GRM7: variants seen among roughly 807,000 people sequenced by gnomAD.
GRM7 encodes the protein metabotropic glutamate receptor 7.
A neutral mutation model predicts 84.5 loss-of-function variants in GRM7; 35 were observed. The ratio of observed to expected loss-of-function variants is 0.41; its 90% CI spans 0.32 to 0.55. The LOEUF (loss-of-function observed/expected upper bound fraction) is 0.55. GRM7 is among the 20% of genes least tolerant of loss of function. The pLI, the probability that GRM7 is intolerant of heterozygous loss-of-function variation, is 0.19. For missense variants in GRM7, 1,003 were observed against 1,194.6 expected (o/e 0.84, Z 2.36); for synonymous variants, 487 against 455.1 (o/e 1.07, Z -0.89).
At chr3:7,586,434 C>T (rs1377363729) in intron 8 of GRM7, among the ~76,000 whole-genome samples, 3 of 151,912 alleles carry the variant, frequency 2.0e-5, no homozygotes, top group Non-Finnish European at 2.9e-5. Flanking sequence ...GAAAACAACC[C>T]AAGTGTTCCT....
intron 2 of GRM7, among the ~76,000 whole-genome samples, chr3:7,266,099 G>T (rs534546873): frequency 6.6e-6 from 1 of 152,242 alleles, no homozygotes; most frequent in African/African-American, 2.4e-5. Context: ...ACAGAAGAGA[G>T]CGAGAGAGAG....
chr3:7,024,900 TA>T (rs1222210879), intron 1 of GRM7, among the ~76,000 whole-genome samples: 3 of 152,228 alleles, frequency 2.0e-5, no homozygotes, highest in Non-Finnish European at 4.4e-5. Context: ...CTTAGTGGCT[TA>T]AAACGATGTA....
At chr3:7,533,696 C>G (rs1701129843) in intron 7 of GRM7, among the ~76,000 whole-genome samples, 1 of 152,182 alleles carries the variant, frequency 6.6e-6, no homozygotes, top group Non-Finnish European at 1.5e-5. Flanking sequence ...TAGTGATTGA[C>G]TGTCATCTTC....
intron 1 of GRM7, among the ~76,000 whole-genome samples, chr3:6,897,227 AAGCAGT>A (rs1203968582): frequency 6.6e-6 from 1 of 152,306 alleles, no homozygotes; most frequent in East Asian, 1.9e-4. Context: ...TGTGTATGGG[AAGCAGT>A]ACTGCTTGTC....
chr3:7,274,629 TTGTC>T lies in GRM7; in HGVS notation c.737-24051_737-24048del, dbSNP rs546606128. 2.5e-3 allele frequency among the ~76,000 whole-genome samples: 376 copies of T among 152,202 alleles called. 7 individuals carry two copies. Among genetic ancestry groups the T allele is most frequent in the Non-Finnish European group, 8.5e-4 (58 of 67,964 alleles). On this transcript the variant is annotated intron_variant, in intron 2 of 9. Transcript: ENST00000357716. ...TGCTTATATGGTTTCTGAGGAGAGA[TTGTC>T]TGTAATTCTTATCATTATTTCTCTA...
At chr3:7,381,256 A>T (rs1450731073) in intron 4 of GRM7, among the ~76,000 whole-genome samples, 2 of 152,114 alleles carry the variant, frequency 1.3e-5, no homozygotes, top group African/African-American at 4.8e-5. Flanking sequence ...CTCTGAAGGC[A>T]TGCAAATCTG....
chr3:7,098,984 A>G (rs1261580978), intron 1 of GRM7, among the ~76,000 whole-genome samples: 1 of 151,784 alleles, frequency 6.6e-6, no homozygotes, highest in Admixed American at 6.6e-5. Context: ...TTCAGTACTT[A>G]TGAAGTTTTA....
chr3:7,456,323 A>T (rs962065400), intron 6 of GRM7, among the ~76,000 whole-genome samples: 1 of 152,104 alleles, frequency 6.6e-6, no homozygotes, highest in African/African-American at 2.4e-5. Flanking sequence ...AGCCAAAATG[A>T]CTGAGCTATC....
intron 4 of GRM7, among the ~76,000 whole-genome samples, chr3:7,330,743 C>G (rs893650402): frequency 2.0e-5 from 3 of 152,204 alleles, no homozygotes; most frequent in African/African-American, 4.8e-5. Flanking sequence ...TTCATTAAAA[C>G]TCTTTTTCTT....
chr3:7,262,922 T>TC lies in GRM7; in HGVS notation c.737-35760dup, dbSNP rs1293616381. ...CATGTTGGCCAGACTGGTCTTGAAC[T>TC]CCTGCCTACAGGTGATCCACCCACC... On this transcript the variant is annotated intron_variant, in intron 2 of 9. Transcript: ENST00000357716. Among the ~76,000 whole-genome samples the TC allele has an allele frequency of 6.2e-4, 52 of 83,346 alleles. 1 individual carries two copies. The South Asian group carries it at 0.016, about 25-fold the overall frequency. The allele number at this position is 83,346 out of a possible 152,430, so 54.7% of individuals were successfully genotyped here. A position where few individuals can be genotyped will look rare whatever the true frequency, so the allele number is the denominator to read the frequency against.
At chr3:7,360,134 CCTCT>C (rs1379881253) in intron 4 of GRM7, among the ~76,000 whole-genome samples, 1 of 105,856 alleles carries the variant, frequency 9.4e-6, no homozygotes, top group Non-Finnish European at 1.9e-5. Context: ...CTTTTTTTTC[CCTCT>C]GTGTGTGTGT....
chr3:6,984,664 T>C (rs973809817), intron 1 of GRM7, among the ~76,000 whole-genome samples: 1 of 152,198 alleles, frequency 6.6e-6, no homozygotes, highest in African/African-American at 2.4e-5. Flanking sequence ...GATGTTTTTC[T>C]GGATCTTGCA....
intron 1 of GRM7, among the ~76,000 whole-genome samples, chr3:7,060,987 C>T (rs1212250270): frequency 6.6e-6 from 1 of 151,736 alleles, no homozygotes; most frequent in East Asian, 1.9e-4. Flanking sequence ...AAGCCTTTTC[C>T]CAAGCTATTT....
intron 7 of GRM7, among the ~76,000 whole-genome samples, chr3:7,562,528 T>G (rs1694075342): frequency 6.6e-6 from 1 of 152,010 alleles, no homozygotes; most frequent in Admixed American, 6.6e-5. Flanking sequence ...CCAGTTCATG[T>G]TCTATAAGTT....
intron 1 of GRM7, among the ~76,000 whole-genome samples, chr3:6,946,423 C>G (rs1417146104): frequency 6.6e-6 from 1 of 152,176 alleles, no homozygotes; most frequent in Non-Finnish European, 1.5e-5. Context: ...GTCTATATCT[C>G]TGTTTTGGTA....
chr3:7,466,282 T>G (rs116170245), intron 7 of GRM7, among the ~76,000 whole-genome samples: 2,047 of 152,216 alleles, frequency 0.013, 46 homozygotes, highest in African/African-American at 0.045. Context: ...GTAGTAGATA[T>G]ATGGCATTTT....
chr3:7,604,910 G>A (rs1696490002), intron 8 of GRM7, among the ~76,000 whole-genome samples: 1 of 152,078 alleles, frequency 6.6e-6, no homozygotes, highest in Non-Finnish European at 1.5e-5. Flanking sequence ...ATTATCAAAA[G>A]CTTAAGAAAA....
intron 8 of GRM7, among the ~76,000 whole-genome samples, chr3:7,608,737 T>C (rs1455416233): frequency 1.3e-5 from 2 of 152,162 alleles, no homozygotes; most frequent in African/African-American, 4.8e-5. Context: ...CAATTGTCAG[T>C]TTTTGCTTTT....
At chr3:7,423,591 T>C (rs1173192851) in intron 5 of GRM7, among the ~76,000 whole-genome samples, 1 of 152,130 alleles carries the variant, frequency 6.6e-6, no homozygotes, top group African/African-American at 2.4e-5. Context: ...CAAGTTACAG[T>C]AGAATATAGC....
Sources: gnomAD v4.1 joint callset for allele counts (sites outside exome capture counted in the v4.1 genomes callset) on GRCh38, gnomAD v4.1.1 for gene constraint, MANE v1.5 for transcripts, NCBI Gene and HGNC (gene_info 2026-07-23, HGNC 2026-07-21) for gene names.